Variants in YES1 observed in about 807,000 individuals in gnomAD.
The protein encoded by YES1 is YES proto-oncogene 1, Src family tyrosine kinase.
In YES1, 39 loss-of-function variants were observed where a neutral mutation model predicts 70.4. The observed-to-expected ratio is 0.55, with a 90% CI of 0.43 to 0.72. YES1 has a LOEUF of 0.72. Ranked by LOEUF, YES1 falls within the 30% of genes least tolerant of loss-of-function variation. YES1 has a pLI of 0.00. For missense variants in YES1, 495 were observed against 644.8 expected, an observed-to-expected ratio of 0.77 and a Z score of 2.52; for synonymous variants, 198 against 218.6, an observed-to-expected ratio of 0.91 and a Z score of 0.83.
At chr18:807,365 G>A (rs1297745893) in intron 1 of YES1, among the ~76,000 whole-genome samples, 3 of 151,886 alleles carry the variant, frequency 2.0e-5, no homozygotes, top group Non-Finnish European at 4.4e-5. Context: ...CAGGCATGGT[G>A]GTGCACACCT....
rs971407634 is a variant in YES1 at position 723,544 on chromosome 18, C to T, written c.*880G>A. On this transcript the variant is annotated 3_prime_UTR_variant, in exon 12 of 12. Transcript: ENST00000314574. ...GGACATATAAGCAATACTCACAGTA[C>T]GAAGTCTAGTTTTTAAAAAGGGCTT... 7.9e-5 allele frequency: 12 copies of T among 152,592 alleles called. No individual in the cohort carries two copies. The highest frequency in any genetic ancestry group is 2.4e-4 in the African/African-American group (10 of 41,452). The allele number at this position is 152,592 out of a possible 1,614,324, so 9.5% of individuals were successfully genotyped here. A position where few individuals can be genotyped will look rare whatever the true frequency, so the allele number is the denominator to read the frequency against.
chr18:794,148 TTAAC>T (rs1198074512), intron 1 of YES1, among the ~76,000 whole-genome samples: 1 of 152,208 alleles, frequency 6.6e-6, no homozygotes, highest in Non-Finnish European at 1.5e-5. Context: ...CAGATATCAC[TTAAC>T]TAAGTAATCA....
At chr18:807,959 T>C (rs1407787746) in intron 1 of YES1, among the ~76,000 whole-genome samples, 2 of 152,148 alleles carry the variant, frequency 1.3e-5, no homozygotes, top group East Asian at 1.9e-4. Flanking sequence ...TACTGTACAT[T>C]TGAACAAGAG....
intron 1 of YES1, among the ~76,000 whole-genome samples, chr18:759,340 G>A (rs772418350): frequency 4.6e-5 from 7 of 152,130 alleles, no homozygotes; most frequent in Non-Finnish European, 7.4e-5. Context: ...GGTGGCGGGC[G>A]CCTGTAATTC....
At chr18:797,013 A>G (rs1406541875) in intron 1 of YES1, among the ~76,000 whole-genome samples, 1 of 152,186 alleles carries the variant, frequency 6.6e-6, no homozygotes, top group Non-Finnish European at 1.5e-5. Flanking sequence ...AGAATTTTTA[A>G]CATCATCTTC....
intron 1 of YES1, among the ~76,000 whole-genome samples, chr18:811,871 C>A (rs1471835203): frequency 6.6e-6 from 1 of 152,158 alleles, no homozygotes; most frequent in East Asian, 1.9e-4. Flanking sequence ...CGGACTTGGG[C>A]GGGACCCGGC....
intron 8 of YES1, among the ~76,000 whole-genome samples, chr18:740,945 T>C (rs925649276): frequency 6.6e-6 from 1 of 152,236 alleles, no homozygotes; most frequent in African/African-American, 2.4e-5. Context: ...TCACCCAGGC[T>C]GGAGTGCAGC....
At chr18:807,060 A>T (rs968541230) in intron 1 of YES1, among the ~76,000 whole-genome samples, 1 of 152,176 alleles carries the variant, frequency 6.6e-6, no homozygotes, top group African/African-American at 2.4e-5. Flanking sequence ...GCTGGAGCCT[A>T]AGAATTTGAG....
In YES1 at chr18:732,979, G is replaced by T; in HGVS notation, c.1292-14C>A. 6.2e-7 allele frequency: 1 copy of T among 1,613,776 alleles called. No individual in the cohort carries two copies. The highest frequency in any genetic ancestry group is 8.5e-7 in the Non-Finnish European group (1 of 1,179,808). On this transcript the variant is annotated splice_polypyrimidine_tract_variant and intron_variant, in intron 10 of 11. Transcript: ENST00000314574. ...GAAATTTTGCACCTAAAATAATGTTGACCATCTTGCTTAATTGTTTTTTAA... is the reference window on the plus strand; with the variant it reads ...GAAATTTTGCACCTAAAATAATGTTTACCATCTTGCTTAATTGTTTTTTAA...
rs368364814 is a variant in YES1, at chr18:782,684, T to G, written c.-8-25849A>C. Among the ~76,000 whole-genome samples the G allele has an allele frequency of 1.2e-3, 175 of 151,926 alleles. 5 individuals carry two copies. The South Asian group carries it at 0.035, about 30-fold the overall frequency. ...ATAAAACATGTAAAAAGGATTATTTTTTCTTTCTAATTTTAACTTTCTGAA... is the reference window on the plus strand; with the variant it reads ...ATAAAACATGTAAAAAGGATTATTTGTTCTTTCTAATTTTAACTTTCTGAA... On this transcript the variant is annotated intron_variant, in intron 1 of 11. Transcript: ENST00000314574.
intron 1 of YES1, chr18:798,011 C>G (rs1490502442): frequency 6.6e-6 from 1 of 152,170 alleles, no homozygotes; most frequent in Non-Finnish European, 1.5e-5. Context: ...CGAACACAGT[C>G]CCTCACTACT....
chr18:743,857 A>C (rs1473683914), intron 6 of YES1, among the ~76,000 whole-genome samples: 1 of 151,350 alleles, frequency 6.6e-6, no homozygotes, highest in Non-Finnish European at 1.5e-5. Flanking sequence ...AGTGAGCCAA[A>C]ATTGCGCCAC....
chr18:781,034 G>C (rs746427225), intron 1 of YES1, among the ~76,000 whole-genome samples: 7 of 152,116 alleles, frequency 4.6e-5, no homozygotes, highest in Admixed American at 1.3e-4. Context: ...TTTGGGGCCC[G>C]AGGTGGGTGG....
At chr18:807,413 C>T (rs1907156256) in intron 1 of YES1, among the ~76,000 whole-genome samples, 1 of 152,056 alleles carries the variant, frequency 6.6e-6, no homozygotes, top group Non-Finnish European at 1.5e-5. Context: ...GTGGGAGGAT[C>T]CCTTGGGCCC....
chr18:799,584 C>A (rs2145831540), intron 1 of YES1, among the ~76,000 whole-genome samples: 1 of 152,178 alleles, frequency 6.6e-6, no homozygotes. Flanking sequence ...GTGGTGCATG[C>A]CCGTAATGAG....
intron 1 of YES1, 109 bp from the exon 2 acceptor site, chr18:756,944 G>A (rs1336544207): frequency 9.1e-7 from 1 of 1,101,284 alleles, no homozygotes; most frequent in Non-Finnish European, 1.3e-6. Context: ...CCTGCAAAAA[G>A]GAACATAAAC....
chr18:745,575 A>AC (rs1181445469), intron 6 of YES1, 133 bp downstream of exon 6: 7 of 862,274 alleles, frequency 8.1e-6, no homozygotes, highest in Non-Finnish European at 1.2e-5. Context: ...CCTTTAGAAT[A>AC]CAACAGACAT....
intron 1 of YES1, among the ~76,000 whole-genome samples, chr18:764,152 T>A (rs113811708): frequency 6.6e-6 from 1 of 152,016 alleles, no homozygotes. Flanking sequence ...TCATTCATTC[T>A]TCAGTATTTA....
intron 1 of YES1, among the ~76,000 whole-genome samples, chr18:810,624 T>A (rs1367459703): frequency 6.6e-6 from 1 of 152,216 alleles, no homozygotes; most frequent in African/African-American, 2.4e-5. Context: ...TGTTTTCAGA[T>A]CAAAGGCAAT....
Sources: allele counts gnomAD v4.1 joint callset (sites outside exome capture counted in the v4.1 genomes callset), GRCh38; gene constraint gnomAD v4.1.1; transcripts MANE v1.5; gene names NCBI Gene and HGNC (gene_info 2026-07-23, HGNC 2026-07-21).